PTPRD: variants seen among roughly 807,000 people sequenced by gnomAD.
The protein encoded by PTPRD is receptor-type tyrosine-protein phosphatase delta.
Under a neutral mutation model 214.5 loss-of-function variants are expected in PTPRD, and 34 were observed. The ratio of observed to expected loss-of-function variants is 0.16; its 90% CI spans 0.12 to 0.21. The LOEUF is 0.21. PTPRD is among the 10% of genes least tolerant of loss of function. PTPRD has a pLI of 1.00. For synonymous variants in PTPRD, 1,128 were observed against 845.7 expected, an observed-to-expected ratio of 1.33 and a Z score of -5.79; for missense variants, 2,545 against 2,398.7, an observed-to-expected ratio of 1.06 and a Z score of -1.27.
rs190269055 is a variant in PTPRD, at chr9:9,020,390, A to G, written c.-142-1655T>C. ...TGGAGGAGACAGTGATTGGAAGCGG[A>G]GGTGAAATTTTGTAAGAAAGCTTGG... On this transcript the variant is annotated intron_variant, in intron 10 of 45. Transcript: ENST00000381196. Among the ~76,000 whole-genome samples the G allele has an allele frequency of 1.4e-3, 209 of 152,220 alleles. 2 individuals carry two copies. The highest frequency in any genetic ancestry group is 4.7e-3 in the African/African-American group (196 of 41,544).
At chr9:9,263,846 A>G (rs1594788085) in intron 9 of PTPRD, among the ~76,000 whole-genome samples, 1 of 151,602 alleles carries the variant, frequency 6.6e-6, no homozygotes, top group African/African-American at 2.4e-5. Context: ...ACTACCTATT[A>G]GTTACTATGC....
chr9:8,429,895 T>C (rs577383300), intron 35 of PTPRD, among the ~76,000 whole-genome samples: 1 of 152,314 alleles, frequency 6.6e-6, no homozygotes, highest in African/African-American at 2.4e-5. Flanking sequence ...TCCGAGTTAA[T>C]ACATAGCTTT....
chr9:8,376,639 T>C lies in PTPRD; in HGVS notation c.4474A>G (p.Thr1492Ala), dbSNP rs111947284. 1.2e-6 allele frequency: 2 copies of C among 1,612,910 alleles called. No homozygotes were observed. The highest frequency in any genetic ancestry group is 2.7e-5 in the African/African-American group (2 of 74,840). ...AGTGCAAATGTTCGAACACAATATG[T>C]GGCCAGCTCCACAGTATCAAGCAGC... ...VTLLDTVELA[T>A]YCVRTFALYK... Residue 1492 changes from threonine to alanine, a missense_variant, in exon 38 of 46, where the codon ACA becomes GCA. By Grantham distance (58) the Thr-to-Ala change is moderately conservative. Transcript: ENST00000381196.
At chr9:8,358,856 C>A (rs1013096148) in intron 39 of PTPRD, among the ~76,000 whole-genome samples, 10 of 151,478 alleles carry the variant, frequency 6.6e-5, no homozygotes, top group African/African-American at 2.2e-4. Context: ...TCTTGTAATC[C>A]CAGCACTTTG....
At chr9:10,473,427 A>G (rs1056077773) in intron 2 of PTPRD, among the ~76,000 whole-genome samples, 2 of 152,132 alleles carry the variant, frequency 1.3e-5, no homozygotes, top group Non-Finnish European at 2.9e-5. Context: ...CTATTAATTG[A>G]CAATAGTGAA....
chr9:9,193,651 C>G (rs2099936578), intron 9 of PTPRD, among the ~76,000 whole-genome samples: 2 of 152,034 alleles, frequency 1.3e-5, no homozygotes, highest in South Asian at 4.1e-4. Flanking sequence ...CTAAACATAT[C>G]TAAGCATAGA....
At chr9:9,873,025 C>T (rs1403889541) in intron 5 of PTPRD, among the ~76,000 whole-genome samples, 1 of 152,032 alleles carries the variant, frequency 6.6e-6, no homozygotes, top group African/African-American at 2.4e-5. Flanking sequence ...TTTTGATAAT[C>T]CTTTTTAAAA....
At chr9:8,957,998 T>G (rs1035455788) in intron 11 of PTPRD, among the ~76,000 whole-genome samples, 15 of 151,838 alleles carry the variant, frequency 9.9e-5, no homozygotes, top group Non-Finnish European at 1.9e-4. Flanking sequence ...AAGTAATACC[T>G]TAGCAGGGGA....
intron 10 of PTPRD, among the ~76,000 whole-genome samples, chr9:9,083,295 TG>T (rs2099761931): frequency 6.6e-6 from 1 of 152,116 alleles, no homozygotes; most frequent in South Asian, 2.1e-4. Flanking sequence ...AAAACAAGAA[TG>T]GGGAAAGGAT....
intron 10 of PTPRD, among the ~76,000 whole-genome samples, chr9:9,104,016 A>G (rs2099795042): frequency 6.6e-6 from 1 of 152,156 alleles, no homozygotes; most frequent in Non-Finnish European, 1.5e-5. Context: ...AAGATGAAGC[A>G]GTTCTTCCAA....
At chr9:9,159,364 T>A (rs1286017087) in intron 10 of PTPRD, among the ~76,000 whole-genome samples, 1 of 152,180 alleles carries the variant, frequency 6.6e-6, no homozygotes, top group East Asian at 1.9e-4. Context: ...CTTATCATTG[T>A]TGCAGGATAT....
intron 2 of PTPRD, among the ~76,000 whole-genome samples, chr9:10,367,806 C>G (rs926777291): frequency 6.6e-6 from 1 of 152,042 alleles, no homozygotes; most frequent in Non-Finnish European, 1.5e-5. Context: ...ACTCTAAATT[C>G]AGACAATGCT....
At chr9:9,575,268 AGTAT>A (rs2154304798) in intron 7 of PTPRD, among the ~76,000 whole-genome samples, 1 of 152,278 alleles carries the variant, frequency 6.6e-6, no homozygotes, top group South Asian at 2.1e-4. Flanking sequence ...TATTCTATAA[AGTAT>A]GTAATAATTT....
chr9:8,813,798 G>T (rs1248555997), intron 11 of PTPRD, among the ~76,000 whole-genome samples: 1 of 152,232 alleles, frequency 6.6e-6, no homozygotes, highest in Non-Finnish European at 1.5e-5. Flanking sequence ...AAGCAATACA[G>T]TTCTGCTGTC....
Position 9,655,086 on chromosome 9 carries a change from C to A in PTPRD, c.-287+79447G>T, listed in dbSNP as rs557072330. On this transcript the variant is annotated intron_variant, in intron 7 of 45. Transcript: ENST00000381196. ...CCTTGAGAAAGAGAATATATTTATT[C>A]TAAACCTATTTTTTTAATAATTAAA... is the stretch of plus-strand genomic sequence containing the variant. Among the ~76,000 whole-genome samples the A allele has an allele frequency of 8.6e-5, 13 of 151,846 alleles. No homozygotes were observed. The South Asian group carries it at 2.7e-3, about 32-fold the overall frequency.
At position 8,486,196 on chromosome 9, in the gene PTPRD, G is replaced by A. The variant is rs2135961654; in HGVS notation, c.2621C>T (p.Ser874Phe). Residue 874 changes from serine (S) to phenylalanine (F), a missense_variant, in exon 28 of 46, where the codon TCT becomes TTT. Transcript: ENST00000381196. ...DMEPLTTLEF[S>F]EKEDHFTATD... ...AGCTGTAAAGTGATCTTCTTTTTCA[G>A]AGAACTCAAGAGTAGTAAGTGGCTC... The A allele has an allele frequency of 6.2e-7, 1 of 1,614,156 alleles. No homozygotes were observed. The highest frequency in any genetic ancestry group is 8.5e-7 in the Non-Finnish European group (1 of 1,180,024).
intron 7 of PTPRD, among the ~76,000 whole-genome samples, chr9:9,711,012 G>A (rs192560051): frequency 3.8e-4 from 58 of 152,208 alleles, no homozygotes; most frequent in Admixed American, 3.1e-3. Flanking sequence ...ACGACAACGT[G>A]TGAATGTGCC....
intron 8 of PTPRD, among the ~76,000 whole-genome samples, chr9:9,518,863 A>G (rs2096898062): frequency 6.6e-6 from 1 of 152,040 alleles, no homozygotes; most frequent in Admixed American, 6.6e-5. Context: ...GACGGCTAAA[A>G]GATTTTTATA....
chr9:10,413,339 G>C (rs2098456369), intron 2 of PTPRD, among the ~76,000 whole-genome samples: 1 of 151,652 alleles, frequency 6.6e-6, no homozygotes, highest in African/African-American at 2.4e-5. Flanking sequence ...AGTCAAATCC[G>C]GAATGCAGTG....
Sources: gnomAD v4.1 joint callset for allele counts (sites outside exome capture counted in the v4.1 genomes callset) on GRCh38, gnomAD v4.1.1 for gene constraint, MANE v1.5 for transcripts, NCBI Gene and HGNC (gene_info 2026-07-23, HGNC 2026-07-21) for gene names.